The following CCDC148 variants were observed in gnomAD, a reference collection of about 807,000 sequenced individuals.
The protein encoded by CCDC148 is coiled-coil domain-containing protein 148.
In CCDC148, 89 loss-of-function variants were observed where a neutral mutation model predicts 85.7. The ratio of observed to expected loss-of-function variants is 1.04; its 90% CI spans 0.87 to 1.24. The LOEUF (loss-of-function observed/expected upper bound fraction) is 1.24. CCDC148 is among the 50% of genes most tolerant of loss of function. The probability of loss-of-function intolerance (pLI) is 0.00; values close to 1 mark genes in which losing one functional copy is unlikely to be tolerated. For synonymous variants in CCDC148, 230 were observed against 213.9 expected (o/e 1.08, Z -0.66); for missense variants, 692 against 671.7 (o/e 1.03, Z -0.33).
intron 1 of CCDC148, among the ~76,000 whole-genome samples, chr2:158,398,834 G>A (rs1375652229): frequency 2.0e-5 from 3 of 152,080 alleles, no homozygotes; most frequent in Non-Finnish European, 4.4e-5. Context: ...AATGAATCCA[G>A]GAGCTGGTTT....
chr2:158,345,318 T>C lies in CCDC148; in HGVS notation c.148A>G (p.Ile50Val). The change falls in exon 3 of 14, where the codon ATC (isoleucine) becomes GTC (valine). Residue 50 changes from isoleucine (I) to valine (V), a missense_variant and splice_region_variant. Physicochemically the swap from Ile to Val is conservative, Grantham distance 29. Transcript: ENST00000283233. ...TTTGAAGTCAACATTGCTTTTCTGA[T>C]CTAGATTTAGAGGAACAAAAGAGGA... ...KLASASAKLK[I>V]RKAMLTSKLS... 6 of 1,609,248 alleles carry C rather than the reference T, an allele frequency of 3.7e-6. No homozygotes were observed. Among genetic ancestry groups the C allele is most frequent in the Non-Finnish European group, 5.1e-6 (6 of 1,176,756 alleles).
chr2:158,237,883 G>A (rs957811261), intron 10 of CCDC148, among the ~76,000 whole-genome samples: 4 of 152,260 alleles, frequency 2.6e-5, no homozygotes, highest in African/African-American at 9.6e-5. Flanking sequence ...GTAAGACAGA[G>A]GAACAAAGAA....
chr2:158,327,017 A>C (rs1157736647), intron 7 of CCDC148, among the ~76,000 whole-genome samples: 1 of 152,172 alleles, frequency 6.6e-6, no homozygotes, highest in Non-Finnish European at 1.5e-5. Flanking sequence ...AATCTGCAAA[A>C]TAATATATTC....
chr2:158,346,703 T>C (rs1280385308), intron 2 of CCDC148, among the ~76,000 whole-genome samples: 1 of 152,196 alleles, frequency 6.6e-6, no homozygotes, highest in South Asian at 2.1e-4. Flanking sequence ...GCATATTTCA[T>C]AATTTCTCTG....
At chr2:158,224,696 C>A (rs1687399182) in intron 10 of CCDC148, among the ~76,000 whole-genome samples, 2 of 152,116 alleles carry the variant, frequency 1.3e-5, no homozygotes, top group Admixed American at 6.6e-5. Flanking sequence ...TCATATCCAG[C>A]CAAACTAAGC....
At chr2:158,433,092 A>AAAAAAAAAAATATATATATATC (rs1559141535) in intron 1 of CCDC148, among the ~76,000 whole-genome samples, 33 of 67,264 alleles carry the variant, frequency 4.9e-4, no homozygotes, top group African/African-American at 1.7e-3. Context: ...AAAAAAAAAA[A>AAAAAAAAAAATATATATATATC]TATATATATA....
At chr2:158,300,418 A>G (rs1053160264) in intron 9 of CCDC148, among the ~76,000 whole-genome samples, 25 of 152,158 alleles carry the variant, frequency 1.6e-4, no homozygotes, top group Non-Finnish European at 2.8e-4. Context: ...TTTTAGTGTG[A>G]CATAATCATA....
chr2:158,258,024 C>T (rs1574494417), intron 9 of CCDC148, among the ~76,000 whole-genome samples: 1 of 151,822 alleles, frequency 6.6e-6, no homozygotes, highest in East Asian at 1.9e-4. Context: ...AGTTCTGGGC[C>T]TCAAATCCTC....
At chr2:158,286,757 T>C (rs1380584966) in intron 9 of CCDC148, among the ~76,000 whole-genome samples, 3 of 151,986 alleles carry the variant, frequency 2.0e-5, no homozygotes, top group Non-Finnish European at 4.4e-5. Flanking sequence ...CAATAAAAGG[T>C]ACTGGGACAA....
At chr2:158,251,039 T>C (rs990987716) in intron 9 of CCDC148, 127 bp from the exon 10 acceptor site, 5 of 811,466 alleles carry the variant, frequency 6.2e-6, no homozygotes, top group African/African-American at 5.3e-5. Context: ...TTAAATTCTA[T>C]GTGCACATGA....
rs141131118 is a variant in CCDC148, at chr2:158,291,150, G to T, written c.1110+18283C>A. Among the ~76,000 whole-genome samples, 739 of 152,124 alleles carry T rather than the reference G, an allele frequency of 4.9e-3. 3 individuals are homozygous for T. The highest frequency in any genetic ancestry group is 0.017 in the African/African-American group (693 of 41,506). ...TTTGTTTTTTAAAGAGATGGGTCTC[G>T]CTATATTGCCCAGGCTTGACTGGAA... On this transcript the variant is annotated intron_variant, in intron 9 of 13. Transcript: ENST00000283233.
At chr2:158,429,201 G>A (rs985919052) in intron 1 of CCDC148, among the ~76,000 whole-genome samples, 1 of 151,922 alleles carries the variant, frequency 6.6e-6, no homozygotes, top group Non-Finnish European at 1.5e-5. Context: ...CGAGTTAATG[G>A]GTGCAGCACA....
At chr2:158,280,718 C>T (rs527569662) in intron 9 of CCDC148, among the ~76,000 whole-genome samples, 4 of 152,118 alleles carry the variant, frequency 2.6e-5, no homozygotes, top group East Asian at 3.9e-4. Context: ...GACAGATCAA[C>T]GAGACAGAAA....
intron 10 of CCDC148, among the ~76,000 whole-genome samples, chr2:158,250,474 A>G (rs1315038720): frequency 6.7e-6 from 1 of 150,028 alleles, no homozygotes; most frequent in African/African-American, 2.5e-5. Flanking sequence ...CCACGTCCCT[A>G]TTTATTACAA....
At chr2:158,214,811 T>C (rs1276074865) in intron 11 of CCDC148, among the ~76,000 whole-genome samples, 1 of 151,788 alleles carries the variant, frequency 6.6e-6, no homozygotes, top group African/African-American at 2.4e-5. Flanking sequence ...AAAAAAAAGA[T>C]GAACTTTTCT....
In CCDC148 at chr2:158,178,875, A is replaced by C. The variant is rs1176569999; in HGVS notation, c.1488+4T>G. On this transcript the variant is annotated splice_donor_region_variant and intron_variant, in intron 12 of 13. Transcript: ENST00000283233. ...ACCCATGAAAATTTCCAAATGAAAA[A>C]CACCTGTTTCCTAAGGGCTTCTAGC... 11 of 1,601,462 alleles carry C rather than the reference A, an allele frequency of 6.9e-6. No homozygotes were observed. The highest frequency in any genetic ancestry group is 9.4e-6 in the Non-Finnish European group (11 of 1,172,192).
chr2:158,326,662 T>A (rs1192910540), intron 7 of CCDC148, among the ~76,000 whole-genome samples: 1 of 152,190 alleles, frequency 6.6e-6, no homozygotes, highest in Non-Finnish European at 1.5e-5. Flanking sequence ...ATTTTCCTGT[T>A]ACTTCATTTT....
intron 3 of CCDC148, among the ~76,000 whole-genome samples, chr2:158,342,653 G>T (rs914021464): frequency 6.6e-6 from 1 of 152,092 alleles, no homozygotes; most frequent in Non-Finnish European, 1.5e-5. Context: ...TTAGAACTTT[G>T]GCACCTTTCT....
intron 9 of CCDC148, among the ~76,000 whole-genome samples, chr2:158,251,217 T>A (rs1217956206): frequency 6.6e-6 from 1 of 151,816 alleles, no homozygotes; most frequent in African/African-American, 2.4e-5. Context: ...TAAGTAAAAA[T>A]TTCTGGTTTT....
Sources: allele counts gnomAD v4.1 joint callset (sites outside exome capture counted in the v4.1 genomes callset), GRCh38; gene constraint gnomAD v4.1.1; transcripts MANE v1.5; gene names NCBI Gene and HGNC (gene_info 2026-07-23, HGNC 2026-07-21).